The following NTNG1 variants were observed in gnomAD, a reference collection of about 807,000 sequenced individuals.
NTNG1 encodes the protein netrin-G1.
A neutral mutation model predicts 54.0 loss-of-function variants in NTNG1; 16 were observed. The observed-to-expected ratio is 0.30, with a 90% CI of 0.20 to 0.45. NTNG1 has a LOEUF of 0.45. NTNG1 is among the 20% of genes least tolerant of loss of function. The probability of loss-of-function intolerance (pLI) is 1.00; values close to 1 mark genes in which losing one functional copy is unlikely to be tolerated. For synonymous variants in NTNG1, 255 were observed against 263.1 expected (o/e 0.97, Z 0.30); for missense variants, 530 against 678.7 (o/e 0.78, Z 2.43).
intron 5 of NTNG1, chr1:107,410,601 G>C (rs79863076): frequency 1.3e-3 from 202 of 152,186 alleles, no homozygotes; most frequent in African/African-American, 4.6e-3. Flanking sequence ...TATGATCTAT[G>C]TTTTCACTTT....
intron 2 of NTNG1, among the ~76,000 whole-genome samples, chr1:107,240,473 G>T (rs1476333988): frequency 1.3e-5 from 2 of 152,088 alleles, no homozygotes; most frequent in African/African-American, 2.4e-5. Context: ...TGTAGTAGAG[G>T]GCAGACATCT....
intron 2 of NTNG1, among the ~76,000 whole-genome samples, chr1:107,152,499 T>C (rs920303633): frequency 1.3e-5 from 2 of 152,222 alleles, no homozygotes; most frequent in African/African-American, 4.8e-5. Context: ...GGCAAAATTA[T>C]CTGCAGTTAT....
At chr1:107,224,177 A>T (rs1660531564) in intron 2 of NTNG1, among the ~76,000 whole-genome samples, 1 of 152,118 alleles carries the variant, frequency 6.6e-6, no homozygotes, top group South Asian at 2.1e-4. Flanking sequence ...GGATGAATGG[A>T]TCATTGCCAA....
chr1:107,359,296 C>G (rs1670125611), intron 3 of NTNG1, among the ~76,000 whole-genome samples: 2 of 152,042 alleles, frequency 1.3e-5, no homozygotes, highest in Non-Finnish European at 2.9e-5. Context: ...GAATCACAGC[C>G]TGAAGCAATA....
At chr1:107,444,876 T>C (rs1454576115) in intron 7 of NTNG1, among the ~76,000 whole-genome samples, 2 of 152,156 alleles carry the variant, frequency 1.3e-5, no homozygotes, top group African/African-American at 4.8e-5. Context: ...TGAAGCTCTT[T>C]TCTTACGTAA....
chr1:107,252,994 G>A (rs1183234067), intron 2 of NTNG1, among the ~76,000 whole-genome samples: 1 of 152,196 alleles, frequency 6.6e-6, no homozygotes, highest in African/African-American at 2.4e-5. Flanking sequence ...GTGTATTCTT[G>A]CAGAATGCCT....
intron 3 of NTNG1, 39 bp from the exon 4 acceptor site, chr1:107,395,115 C>T (rs754078771): frequency 1.9e-6 from 3 of 1,578,850 alleles, no homozygotes; most frequent in East Asian, 2.2e-5. Context: ...CCAAGACCAA[C>T]TTATCTGACA....
chr1:107,389,710 C>A (rs540205247), intron 3 of NTNG1, among the ~76,000 whole-genome samples: 22 of 152,176 alleles, frequency 1.4e-4, no homozygotes, highest in Non-Finnish European at 2.6e-4. Flanking sequence ...TCAAGGAACA[C>A]GCAGGTCAAT....
At chr1:107,421,202 A>C in intron 5 of NTNG1, 1 of 1,194,026 alleles carries the variant, frequency 8.4e-7, no homozygotes, top group Admixed American at 1.8e-5. Context: ...GAAACATTGC[A>C]CTGTATGAAT....
chr1:107,225,576 C>A (rs1298263930), intron 2 of NTNG1, among the ~76,000 whole-genome samples: 1 of 152,122 alleles, frequency 6.6e-6, no homozygotes, highest in Non-Finnish European at 1.5e-5. Context: ...CCTCTATAAA[C>A]CATATCCTCC....
chr1:107,176,923 C>A (rs1410823529), intron 2 of NTNG1, among the ~76,000 whole-genome samples: 1 of 152,132 alleles, frequency 6.6e-6, no homozygotes, highest in Non-Finnish European at 1.5e-5. Flanking sequence ...TCCTGTATAG[C>A]AGCTTACTGG....
chr1:107,386,177 T>TTTCTTCCTTTGAAATGGGGTTTCACTC (rs1671985399), intron 3 of NTNG1, among the ~76,000 whole-genome samples: 1 of 136,386 alleles, frequency 7.3e-6, no homozygotes, highest in Non-Finnish European at 1.6e-5. Flanking sequence ...TTTTTTTTTT[T>TTTCTTCCTTTGAAATGGGGTTTCACTC]TCTTCCTTTG....
intron 5 of NTNG1, among the ~76,000 whole-genome samples, chr1:107,424,399 AC>A (rs1674759413): frequency 6.6e-6 from 1 of 151,738 alleles, no homozygotes; most frequent in Non-Finnish European, 1.5e-5. Flanking sequence ...GAATGAATGA[AC>A]TCCTCTTTTA....
Position 107,395,313 on chromosome 1 carries a change from C to T in NTNG1, c.1047C>T (p.Gly349=). ...SPGSYLPIPK[G]TANTCIPSIS... ...GCTCCTATCTCCCCATCCCCAAAGG[C>T]ACTGCAAATACCTGTGAGTAACTTT... Residue 349 remains glycine (G), a synonymous_variant, in exon 4 of 8, where the codon GGC becomes GGT. Coordinates refer to ENST00000370068, the MANE Select transcript of NTNG1 (RefSeq NM_001113226.3). 6.2e-7 allele frequency: 1 copy of T among 1,613,334 alleles called. No individual in the cohort carries two copies. Among genetic ancestry groups the T allele is most frequent in the Non-Finnish European group, 8.5e-7 (1 of 1,179,448 alleles).
chr1:107,148,958 T>A lies in NTNG1; in HGVS notation c.246+119T>A, dbSNP rs116035985. On this transcript the variant is annotated intron_variant, in intron 2 of 7. Coordinates refer to ENST00000370068, the MANE Select transcript of NTNG1 (RefSeq NM_001113226.3). ...TAAGTTGAATCTGCAGGTGGCAGAT[T>A]TGTGTTAACAGGCTAGTTTCTTTCT... 3.2e-4 allele frequency: 324 copies of A among 1,013,350 alleles called. 1 individual carries two copies. The African/African-American group carries it at 4.6e-3, about 14-fold the overall frequency. 62.8% of individuals were successfully genotyped at this position (1,013,350 alleles called of 1,614,324 possible).
At chr1:107,465,525 T>C (rs1171091728) in intron 7 of NTNG1, among the ~76,000 whole-genome samples, 2 of 152,246 alleles carry the variant, frequency 1.3e-5, no homozygotes, top group Non-Finnish European at 2.9e-5. Flanking sequence ...TATATCTTTA[T>C]CTAGATCATC....
At chr1:107,142,230 G>T (rs928862367) in intron 1 of NTNG1, among the ~76,000 whole-genome samples, 1 of 151,610 alleles carries the variant, frequency 6.6e-6, no homozygotes, top group African/African-American at 2.4e-5. Flanking sequence ...CCAATTAAGT[G>T]ATTCATACAA....
At chr1:107,224,816 T>C (rs1660572014) in intron 2 of NTNG1, among the ~76,000 whole-genome samples, 2 of 152,134 alleles carry the variant, frequency 1.3e-5, no homozygotes, top group African/African-American at 2.4e-5. Flanking sequence ...GATTCACAAC[T>C]GAGGCTGAAT....
chr1:107,349,224 A>C (rs913284864), intron 3 of NTNG1, among the ~76,000 whole-genome samples: 1 of 152,124 alleles, frequency 6.6e-6, no homozygotes, highest in Non-Finnish European at 1.5e-5. Context: ...ATCATACCAA[A>C]AGCCACTTCT....
Sources: gnomAD v4.1 joint callset for allele counts (sites outside exome capture counted in the v4.1 genomes callset) on GRCh38, gnomAD v4.1.1 for gene constraint, MANE v1.5 for transcripts, NCBI Gene and HGNC (gene_info 2026-07-23, HGNC 2026-07-21) for gene names.